Variants in ATP7B observed in about 807,000 individuals in gnomAD.
The protein encoded by ATP7B is ATPase copper transporting beta.
In ATP7B, 113 loss-of-function variants were observed where a neutral mutation model predicts 118.9. The observed-to-expected ratio is 0.95, with a 90% CI of 0.82 to 1.11. ATP7B has a LOEUF of 1.11. Ranked by LOEUF, ATP7B falls within the 50% of genes most tolerant of loss-of-function variation. The pLI, the probability that ATP7B is intolerant of heterozygous loss-of-function variation, is 0.00. For synonymous variants in ATP7B, 777 were observed against 727.4 expected, an observed-to-expected ratio of 1.07 and a Z score of -1.10; for missense variants, 1,867 against 1,871.4, an observed-to-expected ratio of 1.00 and a Z score of 0.04.
chr13:51,968,946 T>C (rs1951708342), intron 3 of ATP7B, among the ~76,000 whole-genome samples: 1 of 150,240 alleles, frequency 6.7e-6, no homozygotes, highest in Non-Finnish European at 1.5e-5. Flanking sequence ...CTGCAACCTC[T>C]GCCTCCAGGG....
At position 51,968,467 on chromosome 13, in the gene ATP7B, A is replaced by G. The variant is rs746459593; in HGVS notation, c.1684T>C (p.Ser562Pro). The change falls in exon 4 of 21, where the codon TCC becomes CCC. Residue 562 changes from serine to proline, a missense_variant. Physicochemically the swap from Ser to Pro is moderately conservative, Grantham distance 74 (BLOSUM62 -1). Transcript: ENST00000242839. ...ACTGTCAGCTCAATGTTGCCATCGGAGCCTGCGTAGTCCTCCATGACTGCT... is the reference window on the plus strand; with the variant it reads ...ACTGTCAGCTCAATGTTGCCATCGGGGCCTGCGTAGTCCTCCATGACTGCT... ...EAAVMEDYAG[S>P]DGNIELTITG... is the part of the protein sequence containing the mutation. 2 of 1,614,076 alleles carry G rather than the reference A, an allele frequency of 1.2e-6. No individual in the cohort carries two copies. Among genetic ancestry groups the G allele is most frequent in the African/African-American group, 2.7e-5 (2 of 74,920 alleles).
Position 51,967,113 on chromosome 13 carries a change from T to C in ATP7B, c.1707+1331A>G. 2.5e-6 allele frequency: 4 copies of C among 1,595,194 alleles called. No individual in the cohort carries two copies. In the South Asian group the frequency reaches 4.4e-5, roughly 18 times the overall value. ...TAGTGGTGGAGTGTGTCATGAACAA[T>C]GTCACCTGTACTCGGATCTATGAAA... On this transcript the variant is annotated intron_variant, in intron 4 of 20. Coordinates refer to ENST00000242839, the MANE Select transcript of ATP7B (RefSeq NM_000053.4).
At chr13:52,011,997 C>T, upstream of ATP7B, 1 of 326,440 alleles carries the variant, frequency 3.1e-6, no homozygotes, top group Non-Finnish European at 5.8e-6. Flanking sequence ...AGGAAGCAAC[C>T]GCGGCAAGAG....
At chr13:52,001,353 C>T (rs758139077) in intron 1 of ATP7B, among the ~76,000 whole-genome samples, 7 of 152,168 alleles carry the variant, frequency 4.6e-5, no homozygotes, top group Non-Finnish European at 1.0e-4. Flanking sequence ...CTTAATAAAA[C>T]CTAAAATCCT....
intron 16 of ATP7B, among the ~76,000 whole-genome samples, 172 bp downstream of exon 16, chr13:51,940,909 A>G (rs1040127967): frequency 2.6e-5 from 4 of 152,218 alleles, no homozygotes; most frequent in Admixed American, 2.6e-4. Flanking sequence ...GAGCCAGTGG[A>G]AAGAATGAAG....
At chr13:51,955,741 C>CA (rs1958297972) in intron 9 of ATP7B, among the ~76,000 whole-genome samples, 1 of 151,704 alleles carries the variant, frequency 6.6e-6, no homozygotes, top group Non-Finnish European at 1.5e-5. Context: ...CCTGTCTGAA[C>CA]GTTTTCACTT....
chr13:51,997,345 A>G (rs1234580299), intron 1 of ATP7B, among the ~76,000 whole-genome samples: 1 of 152,170 alleles, frequency 6.6e-6, no homozygotes, highest in African/African-American at 2.4e-5. Context: ...ACATATTTTA[A>G]CTTTTCCTTG....
At chr13:51,944,317 G>T in intron 13 of ATP7B, 26 bp from the exon 14 acceptor site, 1 of 1,613,100 alleles carries the variant, frequency 6.2e-7, no homozygotes, top group South Asian at 1.1e-5. Flanking sequence ...ACAACTCACT[G>T]ACCACAATAC....
intron 1 of ATP7B, among the ~76,000 whole-genome samples, chr13:51,988,226 C>G (rs543294825): frequency 1.2e-4 from 18 of 151,878 alleles, no homozygotes; most frequent in African/African-American, 4.1e-4. Context: ...AAAAAAACAA[C>G]CCCATCAAAA....
intron 3 of ATP7B, 106 bp from the exon 4 acceptor site, chr13:51,968,713 G>C: frequency 7.3e-7 from 1 of 1,363,598 alleles, no homozygotes; most frequent in Non-Finnish European, 1.0e-6. Context: ...GAATCCTCTA[G>C]AACAGCAGTT....
rs1463789475 is a variant in ATP7B, at chr13:51,933,415, T to C, written c.*1341A>G. 2.6e-5 allele frequency: 4 copies of C among 152,192 alleles called. No individual in the cohort carries two copies. Among genetic ancestry groups the C allele is most frequent in the Non-Finnish European group, 5.9e-5 (4 of 68,032 alleles). The allele number at this position is 152,192 out of a possible 1,614,324, so 9.4% of individuals were successfully genotyped here. ...TGCTAAAACTGCCCCTGGCAAGTAA[T>C]GGACAATGAAAAAAATCACTAAAAC... is the stretch of plus-strand genomic sequence containing the variant. On this transcript the variant is annotated 3_prime_UTR_variant, in exon 21 of 21. Coordinates refer to ENST00000242839, the MANE Select transcript of ATP7B (RefSeq NM_000053.4).
chr13:51,941,119 T>A lies in ATP7B; in HGVS notation c.3518A>T (p.Glu1173Val). 4 of 1,614,220 alleles carry A rather than the reference T, an allele frequency of 2.5e-6. No homozygotes were observed. The highest frequency in any genetic ancestry group is 3.4e-6 in the Non-Finnish European group (4 of 1,180,042). Residue 1173 changes from glutamate (E) to valine (V), a missense_variant, in exon 16 of 21, where the codon GAG (glutamate) becomes GTG (valine). Transcript: ENST00000242839. Reference sequence around the variant, plus strand: ...CAGGATGGCTGTCTGTCCTTTCATCTCGTGGTCTGTCATAGCGTCACTGAC... The same window carrying A: ...CAGGATGGCTGTCTGTCCTTTCATCACGTGGTCTGTCATAGCGTCACTGAC... ...SDVSDAMTDH[E>V]MKGQTAILVA...
chr13:51,934,879 G>A lies in ATP7B; in HGVS notation c.4275C>T (p.Val1425=), dbSNP rs2138397858. 1 of 1,614,202 alleles carries A rather than the reference G, an allele frequency of 6.2e-7. No individual in the cohort carries two copies. The highest frequency in any genetic ancestry group is 8.5e-7 in the Non-Finnish European group (1 of 1,180,048). Residue 1425 remains valine (V), a synonymous_variant, in exon 21 of 21, where the codon GTC becomes GTT. Coordinates refer to ENST00000242839, the MANE Select transcript of ATP7B (RefSeq NM_000053.4). Reference sequence around the variant, plus strand: ...TCAGGGAGGACAGCGACACCTGGCTGACATAGCTGACCTGGTCCCATGGTG... The same window carrying A: ...TCAGGGAGGACAGCGACACCTGGCTAACATAGCTGACCTGGTCCCATGGTG... ...RATPWDQVSY[V]SQVSLSSLTS...
Position 51,933,469 on chromosome 13 carries a change from C to G in ATP7B, c.*1287G>C, listed in dbSNP as rs1271465740. The stretch of plus-strand genomic sequence containing the variant: ...TTTGTGTGGGAGAAAAGGGTTTCAC[C>G]CAGAATTTAATCCAACTCTACTAGT... On this transcript the variant is annotated 3_prime_UTR_variant, in exon 21 of 21. Transcript: ENST00000242839. The G allele has an allele frequency of 6.6e-6, 1 of 152,138 alleles. No individual in the cohort carries two copies. Among genetic ancestry groups the G allele is most frequent in the Admixed American group, 6.5e-5 (1 of 15,280 alleles). 9.4% of individuals were successfully genotyped at this position (152,138 alleles called of 1,614,324 possible). A position where few individuals can be genotyped will look rare whatever the true frequency, so the allele number is the denominator to read the frequency against.
chr13:51,954,718 G>T (rs1958225477), intron 9 of ATP7B, among the ~76,000 whole-genome samples: 1 of 152,064 alleles, frequency 6.6e-6, no homozygotes, highest in Non-Finnish European at 1.5e-5. Flanking sequence ...GAATATTTTT[G>T]GGGAAAAAGT....
rs2140100275 is a variant in ATP7B, at chr13:51,974,737, A to G, written c.483T>C (p.Ile161=). Residue 161 remains isoleucine, a synonymous_variant, in exon 2 of 21, where the codon ATT becomes ATC. Transcript: ENST00000242839. ...CTTGCAGTTTCCGGACCTTGCCTTCAATGGAGCTGACACAGGACTGGCAGG... is the reference window on the plus strand; with the variant it reads ...CTTGCAGTTTCCGGACCTTGCCTTCGATGGAGCTGACACAGGACTGGCAGG... ...GMTCQSCVSS[I]EGKVRKLQGV... is the part of the protein sequence containing the mutation. The G allele has an allele frequency of 1.2e-6, 2 of 1,614,034 alleles. No individual in the cohort carries two copies. Among genetic ancestry groups the G allele is most frequent in the Non-Finnish European group, 1.7e-6 (2 of 1,179,930 alleles).
rs770640457 is a variant in ATP7B, at chr13:51,961,872, G to A, written c.1911C>T (p.Asn637=). 13 of 1,613,970 alleles carry A rather than the reference G, an allele frequency of 8.1e-6. No homozygotes were observed. The highest frequency in any genetic ancestry group is 1.6e-4 in the Middle Eastern group (1 of 6,062). Reference sequence around the variant, plus strand: ...CCATCTTGTGGTCCAAGTGATGAGCGTTGGGGTTTCTCTGGGCCAGGGAAG... The same window carrying A: ...CCATCTTGTGGTCCAAGTGATGAGCATTGGGGTTTCTCTGGGCCAGGGAAG... ...FHASLAQRNP[N]AHHLDHKMEI... Residue 637 remains asparagine, a synonymous_variant, in exon 6 of 21, where the codon AAC becomes AAT. Transcript: ENST00000242839.
intron 7 of ATP7B, chr13:51,959,540 CA>C (rs1488732131): frequency 6.6e-6 from 1 of 152,152 alleles, no homozygotes; most frequent in Non-Finnish European, 1.5e-5. Context: ...TCCAGCCTAC[CA>C]ATGCTTGCCC....
chr13:51,992,001 T>C (rs898433603), intron 1 of ATP7B, among the ~76,000 whole-genome samples: 13 of 152,190 alleles, frequency 8.5e-5, no homozygotes, highest in East Asian at 3.8e-4. Flanking sequence ...TTACCAGTTA[T>C]GCCTTTTAAA....
Sources: allele counts gnomAD v4.1 joint callset (sites outside exome capture counted in the v4.1 genomes callset), GRCh38; gene constraint gnomAD v4.1.1; transcripts MANE v1.5; gene names NCBI Gene and HGNC (gene_info 2026-07-23, HGNC 2026-07-21).